The following AGMAT variants were observed in gnomAD, a reference collection of about 807,000 sequenced individuals.
AGMAT encodes agmatinase (putative), also known as guanidino acid hydrolase, mitochondrial.
AGMAT carries 37 observed loss-of-function variants against 29.3 expected under a neutral mutation model. The ratio of observed to expected loss-of-function variants is 1.26; its 90% CI spans 0.97 to 1.66. AGMAT has a LOEUF of 1.66. Ranked by LOEUF, AGMAT falls within the 40% of genes most tolerant of loss-of-function variation. AGMAT has a pLI of 0.00. For synonymous variants in AGMAT, 199 were observed against 200.8 expected, an observed-to-expected ratio of 0.99 and a Z score of 0.08; for missense variants, 498 against 497.8, an observed-to-expected ratio of 1.00 and a Z score of 0.00.
rs1639013026 is a variant in AGMAT at position 15,574,839 on chromosome 1, A to C, written c.903T>G (p.Ala301=). 6.2e-7 allele frequency: 1 copy of C among 1,613,100 alleles called. No individual in the cohort carries two copies. Among genetic ancestry groups the C allele is most frequent in the Non-Finnish European group, 8.5e-7 (1 of 1,179,264 alleles). The change falls in exon 6 of 7, where the codon GCT becomes GCG. Residue 301 remains alanine (A), a splice_region_variant and synonymous_variant. Transcript: ENST00000375826. Reference sequence around the variant, plus strand: ...CTTGACAACCCCTGATGATCTCCAGAGCCTATTCAAGATCAAGACTGAGTT... The same window carrying C: ...CTTGACAACCCCTGATGATCTCCAGCGCCTATTCAAGATCAAGACTGAGTT... ...PEIAGLTPSQ[A]LEIIRGCQGL... is the part of the protein sequence containing the mutation.
In AGMAT at chr1:15,577,732, C is replaced by A. The variant is rs769200724; in HGVS notation, c.853G>T (p.Ala285Ser). 5 of 1,614,058 alleles carry A rather than the reference C, an allele frequency of 3.1e-6. No homozygotes were observed. The Admixed American group carries it at 8.3e-5, about 27-fold the overall frequency. Reference sequence around the variant, plus strand: ...ATTTCAGGTGTCCCTGTCCCTGGCGCATAGGCAGGATCCAGAGCGTCAATA... The same window carrying A: ...ATTTCAGGTGTCCCTGTCCCTGGCGAATAGGCAGGATCCAGAGCGTCAATA... Reference protein sequence around the residue: ...FDIDALDPAYAPGTGTPEIAG... With the variant: ...FDIDALDPAYSPGTGTPEIAG... The change falls in exon 5 of 7, where the codon GCG becomes TCG. Residue 285 changes from alanine to serine, a missense_variant. Physicochemically the swap from Ala to Ser is moderately conservative, Grantham distance 99. Coordinates refer to ENST00000375826, the MANE Select transcript of AGMAT (RefSeq NM_024758.5).
chr1:15,572,352 CTTTTTTTTTTTTT>C lies in AGMAT; in HGVS notation c.*1286_*1298del, dbSNP rs33990724. The stretch of plus-strand genomic sequence containing the variant: ...GGCGTGAGCCACTGGGTCCGGCCTG[CTTTTTTTTTTTTT>C]TTTTTTTTTTTGGAGACGGAGTCTC... On this transcript the variant is annotated 3_prime_UTR_variant, in exon 7 of 7. Coordinates refer to ENST00000375826, the MANE Select transcript of AGMAT (RefSeq NM_024758.5). 121 of 43,742 alleles carry C rather than the reference CTTTTTTTTTTTTT, an allele frequency of 2.8e-3. 3 individuals are homozygous for C. The highest frequency in any genetic ancestry group is 2.4e-3 in the Non-Finnish European group (63 of 26,360). The allele number at this position is 43,742 out of a possible 1,614,324, so 2.7% of individuals were successfully genotyped here. A position where few individuals can be genotyped will look rare whatever the true frequency, so the allele number is the denominator to read the frequency against.
Position 15,574,770 on chromosome 1 carries a change from C to T in AGMAT, c.972G>A (p.Pro324=), listed in dbSNP as rs183321395. 6.7e-5 allele frequency: 108 copies of T among 1,613,500 alleles called. No homozygotes were observed. The highest frequency in any genetic ancestry group is 1.3e-4 in the East Asian group (6 of 44,872). Residue 324 remains proline (P), a synonymous_variant, in exon 6 of 7, where the codon CCG becomes CCA. Coordinates refer to ENST00000375826, the MANE Select transcript of AGMAT (RefSeq NM_024758.5). Reference sequence around the variant, plus strand: ...TTGCTTACTCACCAGAAAGATCATACGGTGGTGAAACTTCGACAAGATCAC... The same window carrying T: ...TTGCTTACTCACCAGAAAGATCATATGGTGGTGAAACTTCGACAAGATCAC... ...MGCDLVEVSP[P]YDLSGNTALL...
Position 15,572,823 on chromosome 1 carries a change from T to G in AGMAT, c.*828A>C, listed in dbSNP as rs1178951769. The stretch of plus-strand genomic sequence containing the variant: ...GCACCTCATAGGAGAAGCTGTATTT[T>G]TTTTTTTTTTTTTTGAGATGGAGTC... On this transcript the variant is annotated 3_prime_UTR_variant, in exon 7 of 7. Transcript: ENST00000375826. The G allele has an allele frequency of 6.8e-6, 1 of 147,186 alleles. No homozygotes were observed. The highest frequency in any genetic ancestry group is 2.7e-5 in the African/African-American group (1 of 37,614). The allele number at this position is 147,186 out of a possible 1,614,324, so 9.1% of individuals were successfully genotyped here.
rs1257246043 is a variant in AGMAT, at chr1:15,571,731, T to C, written c.*1920A>G. 2 of 152,352 alleles carry C rather than the reference T, an allele frequency of 1.3e-5. No homozygotes were observed. The highest frequency in any genetic ancestry group is 4.8e-5 in the African/African-American group (2 of 41,464). 9.4% of individuals were successfully genotyped at this position (152,352 alleles called of 1,614,324 possible). A position where few individuals can be genotyped will look rare whatever the true frequency, so the allele number is the denominator to read the frequency against. On this transcript the variant is annotated 3_prime_UTR_variant, in exon 7 of 7. Coordinates refer to ENST00000375826, the MANE Select transcript of AGMAT (RefSeq NM_024758.5). ...AGAAATAAACTATTTTAATGTCTGA[T>C]AATTATGGGGTAGCCCTTGCATTGC...
chr1:15,576,439 T>TTTTTTTTTGGTGG (rs1639038016), intron 5 of AGMAT, among the ~76,000 whole-genome samples: 1 of 149,562 alleles, frequency 6.7e-6, no homozygotes, highest in African/African-American at 2.5e-5. Flanking sequence ...GTTGGTTGGT[T>TTTTTTTTTGGTGG]TTTTTTTTGA....
At chr1:15,574,174 G>A (rs1237750630) in intron 6 of AGMAT, among the ~76,000 whole-genome samples, 1 of 152,092 alleles carries the variant, frequency 6.6e-6, no homozygotes, top group Non-Finnish European at 1.5e-5. Flanking sequence ...CAAAGGAGAC[G>A]GGGATTGGGC....
chr1:15,573,385 CT>C lies in AGMAT; in HGVS notation c.*265del. On this transcript the variant is annotated 3_prime_UTR_variant, in exon 7 of 7. Coordinates refer to ENST00000375826, the MANE Select transcript of AGMAT (RefSeq NM_024758.5). ...TTGAAAGAAATTCTCCTCACTTCCC[CT>C]TTATCCTCCATCTTTCATCAAAGGA... 1 of 382,102 alleles carries C rather than the reference CT, an allele frequency of 2.6e-6. No individual in the cohort carries two copies. The allele number at this position is 382,102 out of a possible 1,614,324, so 23.7% of individuals were successfully genotyped here. A position where few individuals can be genotyped will look rare whatever the true frequency, so the allele number is the denominator to read the frequency against.
At chr1:15,584,540 TCAAC>T (rs1398052464) in intron 1 of AGMAT, among the ~76,000 whole-genome samples, 152 bp downstream of exon 1, 1 of 151,774 alleles carries the variant, frequency 6.6e-6, no homozygotes, top group Non-Finnish European at 1.5e-5. Context: ...TCCAGGTAAA[TCAAC>T]CATCTCAAAC....
At chr1:15,579,246 A>C (rs566839540) in intron 3 of AGMAT, among the ~76,000 whole-genome samples, 192 bp from the exon 4 acceptor site, 7 of 152,294 alleles carry the variant, frequency 4.6e-5, no homozygotes, top group African/African-American at 1.7e-4. Flanking sequence ...AACTCACAGA[A>C]GTCAGGCAGG....
In AGMAT at chr1:15,575,073, C is replaced by G; in HGVS notation, c.901-232G>C. 3 of 431,726 alleles carry G rather than the reference C, an allele frequency of 6.9e-6. 1 individual carries two copies. In the South Asian group the frequency reaches 7.5e-5, roughly 11 times the overall value. The allele number at this position is 431,726 out of a possible 1,614,324, so 26.7% of individuals were successfully genotyped here. A position where few individuals can be genotyped will look rare whatever the true frequency, so the allele number is the denominator to read the frequency against. ...TGGTGATGGAGACAAGGAAACCAAT[C>G]GTTTCAATGTCATGCACCAAGGGCT... On this transcript the variant is annotated intron_variant, in intron 5 of 6. Transcript: ENST00000375826.
At chr1:15,573,784 G>C in intron 6 of AGMAT, 60 bp from the exon 7 acceptor site, 1 of 1,453,118 alleles carries the variant, frequency 6.9e-7, no homozygotes, top group Non-Finnish European at 9.6e-7. Context: ...GCCAAGCCTT[G>C]GGACTCCTCA....
rs766057864 is a variant in AGMAT at position 15,578,922 on chromosome 1, C to T, written c.657G>A (p.Val219=). Residue 219 remains valine (V), a synonymous_variant, in exon 4 of 7, where the codon GTG becomes GTA. Transcript: ENST00000375826. The part of the protein sequence containing the change: ...VDEGLLDCKR[V]VQIGIRGSST... ...AAGAGCCCCGGATGCCAATCTGCACCACACGCTTACAGTCCAGGAGACCCT... is the reference window on the plus strand; with the variant it reads ...AAGAGCCCCGGATGCCAATCTGCACTACACGCTTACAGTCCAGGAGACCCT... The T allele has an allele frequency of 6.2e-7, 1 of 1,614,148 alleles. No homozygotes were observed. The highest frequency in any genetic ancestry group is 1.7e-5 in the Admixed American group (1 of 60,006).
Position 15,584,751 on chromosome 1 carries a change from C to A in AGMAT, c.217G>T (p.Ala73Ser). Reference protein sequence around the residue: ...PVQTSPEGLDAAFIGVPLDTG... With the variant: ...PVQTSPEGLDSAFIGVPLDTG... ...TCCAGGGGCACCCCGATGAAGGCAG[C>A]GTCCAGCCCCTCGGGGGAGGTCTGC... The change falls in exon 1 of 7, where the codon GCT becomes TCT. Residue 73 changes from alanine (A) to serine (S), a missense_variant. Physicochemically the swap from Ala to Ser is moderately conservative, Grantham distance 99. Coordinates refer to ENST00000375826, the MANE Select transcript of AGMAT (RefSeq NM_024758.5). 1 of 1,349,498 alleles carries A rather than the reference C, an allele frequency of 7.4e-7. No individual in the cohort carries two copies. Among genetic ancestry groups the A allele is most frequent in the South Asian group, 2.4e-5 (1 of 41,284 alleles). The allele number at this position is 1,349,498 out of a possible 1,614,324, so 83.6% of individuals were successfully genotyped here.
chr1:15,575,729 T>TTTTATTTATTTATTTATTTA (rs78080274), intron 5 of AGMAT: 1 of 142,702 alleles, frequency 7.0e-6, no homozygotes, highest in Non-Finnish European at 1.5e-5. Flanking sequence ...TCACATGCAC[T>TTTTATTTATTTATTTATTTA]TTTATTTATT....
chr1:15,576,760 T>TTTTTTTTTTTTTTTTTTTTTTTA (rs1639045518), intron 5 of AGMAT, among the ~76,000 whole-genome samples: 1 of 87,624 alleles, frequency 1.1e-5, no homozygotes, highest in African/African-American at 5.1e-5. Context: ...TTTTTTTTTT[T>TTTTTTTTTTTTTTTTTTTTTTTA]TTTTTTTGAG....
Position 15,572,394 on chromosome 1 carries a change from CTG to C in AGMAT, c.*1255_*1256del, listed in dbSNP as rs780692514. ...TTTTTTTTGGAGACGGAGTCTCACT[CTG>C]TCACCCAGGCTGGAGTGTAGTGGCA... is the stretch of plus-strand genomic sequence containing the variant. On this transcript the variant is annotated 3_prime_UTR_variant, in exon 7 of 7. Transcript: ENST00000375826. 1 of 125,318 alleles carries C rather than the reference CTG, an allele frequency of 8.0e-6. No homozygotes were observed. The highest frequency in any genetic ancestry group is 3.0e-5 in the African/African-American group (1 of 33,078). 7.8% of individuals were successfully genotyped at this position (125,318 alleles called of 1,614,324 possible). A position where few individuals can be genotyped will look rare whatever the true frequency, so the allele number is the denominator to read the frequency against.
At chr1:15,578,095 T>A (rs1408350861) in intron 4 of AGMAT, among the ~76,000 whole-genome samples, 1 of 152,014 alleles carries the variant, frequency 6.6e-6, no homozygotes, top group Admixed American at 6.6e-5. Context: ...AAAGCAAGAG[T>A]GGGAAACAGC....
rs1479853479 is a variant in AGMAT, at chr1:15,573,513, G to A, written c.*138C>T. The stretch of plus-strand genomic sequence containing the variant: ...GGGTGAGAATTCTACTGATTATCCC[G>A]ACTTCACAGCCAGCAATGACACTTT... On this transcript the variant is annotated 3_prime_UTR_variant, in exon 7 of 7. Coordinates refer to ENST00000375826, the MANE Select transcript of AGMAT (RefSeq NM_024758.5). The A allele has an allele frequency of 1.9e-5, 13 of 698,056 alleles. No individual in the cohort carries two copies. Among genetic ancestry groups the A allele is most frequent in the African/African-American group, 5.4e-5 (3 of 55,880 alleles). The allele number at this position is 698,056 out of a possible 1,614,324, so 43.2% of individuals were successfully genotyped here. A position where few individuals can be genotyped will look rare whatever the true frequency, so the allele number is the denominator to read the frequency against.
Sources: gnomAD v4.1 joint callset for allele counts (sites outside exome capture counted in the v4.1 genomes callset) on GRCh38, gnomAD v4.1.1 for gene constraint, MANE v1.5 for transcripts, NCBI Gene and HGNC (gene_info 2026-07-23, HGNC 2026-07-21) for gene names.